The following RXRA variants were observed in gnomAD, a reference collection of about 807,000 sequenced individuals.
RXRA encodes retinoic acid receptor RXR-alpha.
Under a neutral mutation model 44.5 loss-of-function variants are expected in RXRA, and 5 were observed. The observed-to-expected ratio is 0.11, with a 90% CI of 0.06 to 0.24. The LOEUF is 0.24. RXRA is among the 10% of genes least tolerant of loss of function. The pLI, the probability that RXRA is intolerant of heterozygous loss-of-function variation, is 1.00. For synonymous variants in RXRA, 291 were observed against 271.4 expected (o/e 1.07, Z -0.71); for missense variants, 412 against 646.5 (o/e 0.64, Z 3.93).
chr9:134,339,257 C>T (rs1830052434), intron 1 of RXRA, among the ~76,000 whole-genome samples: 1 of 152,286 alleles, frequency 6.6e-6, no homozygotes, highest in Non-Finnish European at 1.5e-5. Context: ...GCTGTTCCTC[C>T]CTCCCTGCCT....
chr9:134,425,577 G>A (rs1831420197), intron 6 of RXRA: 1 of 584,548 alleles, frequency 1.7e-6, no homozygotes, highest in African/African-American at 2.1e-5. Flanking sequence ...GGGGGTGGGG[G>A]GAATGGAAGT....
intron 1 of RXRA, among the ~76,000 whole-genome samples, chr9:134,393,557 G>A (rs1015685144): frequency 3.3e-5 from 5 of 152,218 alleles, no homozygotes; most frequent in Non-Finnish European, 5.9e-5. Flanking sequence ...TGCAAGACTC[G>A]GGGAAGGTGG....
intron 1 of RXRA, chr9:134,371,911 C>T (rs541588238): frequency 6.6e-6 from 1 of 152,266 alleles, no homozygotes; most frequent in Non-Finnish European, 1.5e-5. Flanking sequence ...TGTGACGTGG[C>T]CAGCGGTGTT....
intron 1 of RXRA, among the ~76,000 whole-genome samples, chr9:134,327,184 C>T (rs781820093): frequency 6.6e-5 from 10 of 152,120 alleles, no homozygotes; most frequent in Non-Finnish European, 1.3e-4. Flanking sequence ...CCCAAAGCAG[C>T]CCACGCCCGG....
chr9:134,383,470 A>G (rs1830675246), intron 1 of RXRA, among the ~76,000 whole-genome samples: 1 of 152,158 alleles, frequency 6.6e-6, no homozygotes. Context: ...GGGCAGGGGT[A>G]GGATGGGGAC....
At chr9:134,367,780 T>C (rs1830432988) in intron 1 of RXRA, among the ~76,000 whole-genome samples, 1 of 152,182 alleles carries the variant, frequency 6.6e-6, no homozygotes, top group Non-Finnish European at 1.5e-5. Flanking sequence ...TTGTGGCCCC[T>C]TCTGGGTCCT....
intron 1 of RXRA, among the ~76,000 whole-genome samples, chr9:134,392,505 C>T (rs953196582): frequency 6.6e-6 from 1 of 152,280 alleles, no homozygotes; most frequent in East Asian, 1.9e-4. Context: ...GTGGAGCGAG[C>T]GTGGCTGGAC....
At chr9:134,436,043 A>G (rs1287469745) in intron 9 of RXRA, among the ~76,000 whole-genome samples, 2 of 152,202 alleles carry the variant, frequency 1.3e-5, no homozygotes, top group Non-Finnish European at 2.9e-5. Flanking sequence ...ACAGGGTCTC[A>G]CTGCGTTGCC....
chr9:134,434,230 C>T, intron 9 of RXRA, 23 bp downstream of exon 9: 1 of 1,555,014 alleles, frequency 6.4e-7, no homozygotes, highest in Non-Finnish European at 8.9e-7. Flanking sequence ...CCGTCCCACA[C>T]ACACCCCAGA....
chr9:134,357,873 G>A (rs907630782), intron 1 of RXRA, among the ~76,000 whole-genome samples: 1 of 152,232 alleles, frequency 6.6e-6, no homozygotes, highest in Non-Finnish European at 1.5e-5. Context: ...TGATCCTAGG[G>A]TGAGGCCATG....
intron 1 of RXRA, among the ~76,000 whole-genome samples, chr9:134,377,190 C>T (rs941949815): frequency 5.3e-5 from 8 of 152,232 alleles, no homozygotes; most frequent in African/African-American, 1.4e-4. Context: ...CCTGTCTGTG[C>T]TCCGCTTTCA....
At position 134,422,521 on chromosome 9, in the gene RXRA, C is replaced by T. The variant is rs1416219791; in HGVS notation, c.910+716C>T. ...CAGGACACTCCCCTCTCCCGGGACACTCCCCCCTTCCGGGACACTCCCCCC... is the reference window on the plus strand; with the variant it reads ...CAGGACACTCCCCTCTCCCGGGACATTCCCCCCTTCCGGGACACTCCCCCC... On this transcript the variant is annotated intron_variant, in intron 6 of 9. Coordinates refer to ENST00000481739, the MANE Select transcript of RXRA (RefSeq NM_002957.6). The T allele has an allele frequency of 3.3e-6, 4 of 1,223,518 alleles. No homozygotes were observed. In the African/African-American group the frequency reaches 6.2e-5, roughly 19 times the overall value. 75.8% of individuals were successfully genotyped at this position (1,223,518 alleles called of 1,614,324 possible).
intron 1 of RXRA, chr9:134,371,949 A>G (rs994946413): frequency 6.6e-6 from 1 of 152,134 alleles, no homozygotes; most frequent in Non-Finnish European, 1.5e-5. Flanking sequence ...ATTTCCCAAC[A>G]TCCTGCCAGC....
chr9:134,353,910 C>T (rs1162694950), intron 1 of RXRA, among the ~76,000 whole-genome samples: 7 of 152,178 alleles, frequency 4.6e-5, no homozygotes, highest in African/African-American at 1.4e-4. Flanking sequence ...ATTTGGGGAA[C>T]GTGTCCCCAA....
intron 6 of RXRA, chr9:134,423,708 G>C (rs552301694): frequency 2.0e-6 from 2 of 985,490 alleles, no homozygotes; most frequent in Admixed American, 1.2e-4. Context: ...ACTTCTTTCA[G>C]GGTATGGTGA....
rs548043017 is a variant in RXRA at position 134,434,249 on chromosome 9, C to T, written c.1241+42C>T. On this transcript the variant is annotated intron_variant, in intron 9 of 9. Transcript: ENST00000481739. Reference sequence around the variant, plus strand: ...CCCACACACACCCCAGACCCAGGCTCTTGTCTCCAGAGCCCCCACCCCCTG... The same window carrying T: ...CCCACACACACCCCAGACCCAGGCTTTTGTCTCCAGAGCCCCCACCCCCTG... 10 of 1,467,924 alleles carry T rather than the reference C, an allele frequency of 6.8e-6. No homozygotes were observed. The South Asian group carries it at 8.0e-5, about 12-fold the overall frequency. The allele number at this position is 1,467,924 out of a possible 1,614,324, so 90.9% of individuals were successfully genotyped here.
At chr9:134,375,664 C>T (rs1830546820) in intron 1 of RXRA, among the ~76,000 whole-genome samples, 1 of 152,128 alleles carries the variant, frequency 6.6e-6, no homozygotes, top group South Asian at 2.1e-4. Context: ...AGCAGGTGGG[C>T]CCGGGGCCGG....
intron 7 of RXRA, among the ~76,000 whole-genome samples, chr9:134,430,412 C>T (rs902027645): frequency 3.9e-5 from 6 of 152,194 alleles, no homozygotes; most frequent in African/African-American, 1.4e-4. Context: ...GAGTAGAGGC[C>T]ATGCACCGGC....
intron 1 of RXRA, among the ~76,000 whole-genome samples, chr9:134,339,313 G>A (rs1291810578): frequency 6.6e-6 from 1 of 152,240 alleles, no homozygotes; most frequent in Non-Finnish European, 1.5e-5. Context: ...CTCTGTCTGC[G>A]TGTGAGCCCG....
Sources: allele counts gnomAD v4.1 joint callset (sites outside exome capture counted in the v4.1 genomes callset), GRCh38; gene constraint gnomAD v4.1.1; transcripts MANE v1.5; gene names NCBI Gene and HGNC (gene_info 2026-07-23, HGNC 2026-07-21).